MGAT4C: variants seen among roughly 807,000 people sequenced by gnomAD.
MGAT4C encodes the protein alpha-1,3-mannosyl-glycoprotein 4-beta-N-acetylglucosaminyltransferase C.
In MGAT4C, 19 loss-of-function variants were observed where a neutral mutation model predicts 40.1. That is an observed-to-expected ratio of 0.47 (90% confidence interval 0.33 to 0.70). The LOEUF is 0.70. Ranked by LOEUF, MGAT4C falls within the 30% of genes least tolerant of loss-of-function variation. The pLI, the probability that MGAT4C is intolerant of heterozygous loss-of-function variation, is 0.02. For missense variants in MGAT4C, 491 were observed against 563.2 expected, an observed-to-expected ratio of 0.87 and a Z score of 1.30; for synonymous variants, 181 against 187.1, an observed-to-expected ratio of 0.97 and a Z score of 0.27.
intron 3 of MGAT4C, among the ~76,000 whole-genome samples, chr12:86,336,661 C>A (rs1954798457): frequency 6.6e-6 from 1 of 152,026 alleles, no homozygotes; most frequent in African/African-American, 2.4e-5. Flanking sequence ...AGGCAATTTT[C>A]AGTAGGGAAA....
intron 1 of MGAT4C, among the ~76,000 whole-genome samples, chr12:86,744,338 G>T (rs960122293): frequency 6.6e-6 from 1 of 151,664 alleles, no homozygotes; most frequent in African/African-American, 2.4e-5. Context: ...GACAGTAAAG[G>T]TTTGTTTTCT....
intron 1 of MGAT4C, among the ~76,000 whole-genome samples, chr12:86,826,123 C>T (rs572990357): frequency 6.6e-6 from 1 of 151,482 alleles, no homozygotes; most frequent in East Asian, 2.0e-4. Flanking sequence ...TATGGGATAC[C>T]TCATCAACCT....
intron 2 of MGAT4C, among the ~76,000 whole-genome samples, chr12:86,639,624 A>G (rs1178502016): frequency 1.3e-5 from 2 of 151,760 alleles, no homozygotes; most frequent in East Asian, 1.9e-4. Context: ...GTTTATGCCT[A>G]TATTAGTTGA....
chr12:86,767,913 T>A (rs377199427), intron 1 of MGAT4C, among the ~76,000 whole-genome samples: 1 of 152,194 alleles, frequency 6.6e-6, no homozygotes, highest in East Asian at 1.9e-4. Context: ...CAATATCATA[T>A]TGAATGGGCA....
At position 85,957,450 on chromosome 12, in the gene MGAT4C, G is replaced by A. The variant is rs1231781668; in HGVS notation, c.*21839C>T. The A allele has an allele frequency of 6.6e-6, 1 of 152,112 alleles. No individual in the cohort carries two copies. The highest frequency in any genetic ancestry group is 1.5e-5 in the Non-Finnish European group (1 of 68,022). 9.4% of individuals were successfully genotyped at this position (152,112 alleles called of 1,614,324 possible). On this transcript the variant is annotated 3_prime_UTR_variant, in exon 5 of 5. Coordinates refer to ENST00000611864, the MANE Select transcript of MGAT4C (RefSeq NM_001351288.2). ...TTCATGACATGCATGAACTCTAGCAGTGGCTAGAAGGAAATTAATGGTTTG... is the reference window on the plus strand; with the variant it reads ...TTCATGACATGCATGAACTCTAGCAATGGCTAGAAGGAAATTAATGGTTTG...
intron 2 of MGAT4C, among the ~76,000 whole-genome samples, chr12:86,650,560 C>A (rs1321665203): frequency 6.6e-6 from 1 of 151,818 alleles, no homozygotes; most frequent in Non-Finnish European, 1.5e-5. Flanking sequence ...TTGGGCAGCC[C>A]AGATTTAAAC....
intron 2 of MGAT4C, among the ~76,000 whole-genome samples, chr12:86,522,923 G>C (rs1215777785): frequency 6.6e-6 from 1 of 151,968 alleles, no homozygotes; most frequent in African/African-American, 2.4e-5. Flanking sequence ...AGGGTTATTT[G>C]TATTTCAGTT....
At chr12:86,309,719 G>A (rs1371615781) in intron 4 of MGAT4C, among the ~76,000 whole-genome samples, 2 of 152,184 alleles carry the variant, frequency 1.3e-5, no homozygotes, top group East Asian at 1.9e-4. Flanking sequence ...TAAATTGTTG[G>A]TGGCAATATT....
intron 2 of MGAT4C, among the ~76,000 whole-genome samples, chr12:86,511,701 G>GAA (rs34093664): frequency 2.0e-5 from 3 of 150,884 alleles, no homozygotes; most frequent in African/African-American, 7.3e-5. Context: ...TATCCATATG[G>GAA]AAAAAAAAAT....
rs1279487041 is a variant in MGAT4C, at chr12:86,270,042, TTGTTTTGTTTTGTTA to T, written c.-57+64008_-57+64022del. ...CACCTCCCGTAGTGGATCTCTGTTT[TTGTTTTGTTTTGTTA>T]TGTTTTGTTTTGTTTTGTTTTTCTT... is the stretch of plus-strand genomic sequence containing the variant. On this transcript the variant is annotated intron_variant, in intron 4 of 7. Transcript: ENST00000548651. 9.2e-5 allele frequency among the ~76,000 whole-genome samples: 14 copies of T among 152,076 alleles called. No homozygotes were observed. The East Asian group carries it at 1.6e-3, about 17-fold the overall frequency.
intron 3 of MGAT4C, among the ~76,000 whole-genome samples, chr12:86,403,777 G>A (rs1403715820): frequency 6.6e-6 from 1 of 152,148 alleles, no homozygotes; most frequent in Non-Finnish European, 1.5e-5. Flanking sequence ...TGTCCTGGAA[G>A]AATGAAGATA....
intron 3 of MGAT4C, among the ~76,000 whole-genome samples, chr12:86,417,163 T>G (rs970212376): frequency 2.0e-5 from 3 of 151,996 alleles, no homozygotes; most frequent in African/African-American, 7.2e-5. Context: ...AGTTGAATAT[T>G]TTTTTTTCAA....
At position 86,224,196 on chromosome 12, in the gene MGAT4C, G is replaced by A. The variant is rs569895773; in HGVS notation, c.-57+32043C>T. ...CTGGCATCCCAACAGATTATAAGTC[G>A]AAAACTGAAAAAAAGACAAAGAAGG... On this transcript the variant is annotated intron_variant, in intron 1 of 4. Coordinates refer to ENST00000611864, the MANE Select transcript of MGAT4C (RefSeq NM_001351288.2). Among the ~76,000 whole-genome samples, 6 of 151,714 alleles carry A rather than the reference G, an allele frequency of 4.0e-5. No homozygotes were observed. The East Asian group carries it at 5.8e-4, about 15-fold the overall frequency.
intron 2 of MGAT4C, among the ~76,000 whole-genome samples, chr12:86,027,139 T>C (rs1370033990): frequency 6.6e-6 from 1 of 151,874 alleles, no homozygotes; most frequent in East Asian, 1.9e-4. Context: ...TGTACCTCAC[T>C]TCATAAGCAA....
intron 1 of MGAT4C, among the ~76,000 whole-genome samples, chr12:86,145,294 T>C (rs1883368474): frequency 6.6e-6 from 1 of 152,122 alleles, no homozygotes; most frequent in Non-Finnish European, 1.5e-5. Context: ...TTTATGCAAA[T>C]TGGTAGGAGA....
chr12:86,664,390 C>G (rs1028291507), intron 2 of MGAT4C, among the ~76,000 whole-genome samples: 9 of 151,872 alleles, frequency 5.9e-5, no homozygotes, highest in African/African-American at 2.2e-4. Context: ...TTTGAAATTT[C>G]AATATTTGTG....
intron 1 of MGAT4C, among the ~76,000 whole-genome samples, chr12:86,814,516 T>C (rs1159188897): frequency 6.6e-6 from 1 of 151,590 alleles, no homozygotes. Context: ...CCAATGCTCT[T>C]ATATTAATTC....
chr12:86,721,621 A>C (rs1246962793), intron 2 of MGAT4C, among the ~76,000 whole-genome samples: 4 of 152,156 alleles, frequency 2.6e-5, no homozygotes, highest in Admixed American at 6.6e-5. Flanking sequence ...TACATTACAA[A>C]GTCCCTTAGT....
chr12:86,501,835 T>C (rs940512508), intron 2 of MGAT4C, among the ~76,000 whole-genome samples: 2 of 152,114 alleles, frequency 1.3e-5, no homozygotes, highest in Non-Finnish European at 2.9e-5. Flanking sequence ...AACAGAATGA[T>C]TTATATTCCA....
Sources: gnomAD v4.1 joint callset for allele counts (sites outside exome capture counted in the v4.1 genomes callset) on GRCh38, gnomAD v4.1.1 for gene constraint, MANE v1.5 for transcripts, NCBI Gene and HGNC (gene_info 2026-07-23, HGNC 2026-07-21) for gene names.